The following PATJ variants were observed in gnomAD, a reference collection of about 807,000 sequenced individuals.
PATJ encodes the protein inaD-like protein.
In PATJ, 190 loss-of-function variants were observed where a neutral mutation model predicts 224.9. The ratio of observed to expected loss-of-function variants is 0.84; its 90% CI spans 0.75 to 0.95. PATJ has a LOEUF of 0.95. Among genes scored for constraint, PATJ ranks in the 40% least tolerant of loss-of-function variants. The pLI, the probability that PATJ is intolerant of heterozygous loss-of-function variation, is 0.00. For synonymous variants in PATJ, 769 were observed against 820.3 expected, an observed-to-expected ratio of 0.94 and a Z score of 1.07; for missense variants, 2,121 against 2,270.3, an observed-to-expected ratio of 0.93 and a Z score of 1.34.
At chr1:62,006,262 A>G (rs112289255) in intron 28 of PATJ, among the ~76,000 whole-genome samples, 4,492 of 152,144 alleles carry the variant, frequency 0.03, 167 homozygotes, top group African/African-American at 0.079. Flanking sequence ...TTACAGGCGC[A>G]TGCCGCCACA....
intron 30 of PATJ, among the ~76,000 whole-genome samples, chr1:62,046,247 AGGG>A (rs1652544972): frequency 8.5e-5 from 3 of 35,346 alleles, no homozygotes; most frequent in African/African-American, 3.7e-4. Context: ...GGAGGGAGGG[AGGG>A]AGGGAGGGAA....
At position 61,845,112 on chromosome 1, in the gene PATJ, G is replaced by T. The variant is rs192524808; in HGVS notation, c.2113-10918G>T. ...AGGTATCTGCTGGGGGTCTTCGAAC[G>T]TATTCCTTATAGATAAGGGGGGACT... is the stretch of plus-strand genomic sequence containing the variant. On this transcript the variant is annotated intron_variant, in intron 17 of 43. Coordinates refer to ENST00000642238, the MANE Select transcript of PATJ (RefSeq NM_001350145.3). Among the ~76,000 whole-genome samples the T allele has an allele frequency of 2.9e-3, 441 of 152,238 alleles. 2 individuals are homozygous for T. Among genetic ancestry groups the T allele is most frequent in the African/African-American group, 0.01 (425 of 41,538 alleles).
chr1:61,924,675 G>T (rs1294282227), intron 26 of PATJ, among the ~76,000 whole-genome samples: 1 of 152,184 alleles, frequency 6.6e-6, no homozygotes, highest in Non-Finnish European at 1.5e-5. Flanking sequence ...ATCAGAAAGA[G>T]ATTCTTTATT....
intron 27 of PATJ, among the ~76,000 whole-genome samples, chr1:61,931,351 CAA>C (rs952784156): frequency 6.6e-6 from 1 of 151,260 alleles, no homozygotes; most frequent in African/African-American, 2.4e-5. Context: ...ATGAATAAAA[CAA>C]AGTAATAAAA....
intron 33 of PATJ, among the ~76,000 whole-genome samples, chr1:62,098,976 T>C (rs1038001549): frequency 1.3e-5 from 2 of 152,198 alleles, no homozygotes; most frequent in Non-Finnish European, 2.9e-5. Context: ...CTTTAAAAGT[T>C]TTAACCTAAC....
intron 29 of PATJ, among the ~76,000 whole-genome samples, chr1:62,035,521 G>A (rs1395591775): frequency 6.6e-6 from 1 of 152,224 alleles, no homozygotes; most frequent in East Asian, 1.9e-4. Context: ...CTGTTAGTTA[G>A]CGGCAGGGCT....
At chr1:61,812,407 T>TGAGAGAGAGAGAGAGAGA (rs769833245) in intron 14 of PATJ, among the ~76,000 whole-genome samples, 1 of 79,666 alleles carries the variant, frequency 1.3e-5, no homozygotes, top group Non-Finnish European at 2.6e-5. Context: ...TGTGAGTGAC[T>TGAGAGAGAGAGAGAGAGA]GAGAGAGAGA....
chr1:61,896,322 C>G (rs1670361601), intron 22 of PATJ, among the ~76,000 whole-genome samples: 1 of 151,904 alleles, frequency 6.6e-6, no homozygotes, highest in South Asian at 2.1e-4. Flanking sequence ...TAATGACTAC[C>G]CCACTAGGTT....
chr1:62,137,143 A>G (rs568966913), intron 41 of PATJ, among the ~76,000 whole-genome samples: 14 of 152,102 alleles, frequency 9.2e-5, no homozygotes, highest in African/African-American at 3.1e-4. Flanking sequence ...TAAATACACA[A>G]TATTTCACTG....
In PATJ at chr1:62,144,771, A is replaced by ATATATATATATATATAT. The variant is rs1439255158; in HGVS notation, c.5272-3513_5272-3512insTATATATATATATATAT. Among the ~76,000 whole-genome samples the ATATATATATATATATAT allele has an allele frequency of 9.7e-3, 706 of 73,024 alleles. 43 individuals carry two copies. The highest frequency in any genetic ancestry group is 0.051 in the East Asian group (122 of 2,388). 47.9% of individuals were successfully genotyped at this position (73,024 alleles called of 152,430 possible). The stretch of plus-strand genomic sequence containing the variant: ...ATGCTCTAGAATGTTATTTGCAAAA[A>ATATATATATATATATAT]AAAAAAATATATATATATATATATA... On this transcript the variant is annotated intron_variant, in intron 41 of 43. Transcript: ENST00000642238.
At chr1:62,129,875 G>T (rs996795443) in intron 41 of PATJ, among the ~76,000 whole-genome samples, 5 of 152,084 alleles carry the variant, frequency 3.3e-5, no homozygotes, top group African/African-American at 1.2e-4. Context: ...GGAGAAGGAG[G>T]TTGCAGTGAG....
intron 25 of PATJ, 31 bp from the exon 26 acceptor site, chr1:61,914,556 C>G: frequency 2.8e-6 from 3 of 1,075,564 alleles, no homozygotes; most frequent in Non-Finnish European, 4.1e-6. Flanking sequence ...TAAACGTTTT[C>G]TTCCCCCCAC....
rs1396053543 is a variant in PATJ, at chr1:62,004,620, A to G, written c.3868-13236A>G. Among the ~76,000 whole-genome samples, 9 of 152,148 alleles carry G rather than the reference A, an allele frequency of 5.9e-5. 1 individual carries two copies. On this transcript the variant is annotated intron_variant, in intron 28 of 43. Transcript: ENST00000642238. ...AATTTCTTAAACTCACTGTGCCTCA[A>G]TTTCTCCATCTATATAATGACGTAA...
In PATJ at chr1:62,119,700, G is replaced by A. The variant is rs182825208; in HGVS notation, c.4891-1481G>A. 7.2e-5 allele frequency among the ~76,000 whole-genome samples: 11 copies of A among 152,326 alleles called. No homozygotes were observed. The East Asian group carries it at 2.1e-3, about 29-fold the overall frequency. On this transcript the variant is annotated intron_variant, in intron 37 of 43. Coordinates refer to ENST00000642238, the MANE Select transcript of PATJ (RefSeq NM_001350145.3). The stretch of plus-strand genomic sequence containing the variant: ...CTCACATCTGTAATCCCAGCACTGG[G>A]AGTTCGAGGCGGGCAGATCACTTGA...
chr1:61,785,292 G>A (rs988180345), intron 7 of PATJ, among the ~76,000 whole-genome samples: 1 of 152,088 alleles, frequency 6.6e-6, no homozygotes, highest in African/African-American at 2.4e-5. Flanking sequence ...AGAGTTATAG[G>A]CAGTTTCTTG....
intron 27 of PATJ, among the ~76,000 whole-genome samples, chr1:61,973,096 C>G (rs964568275): frequency 1.3e-5 from 2 of 152,128 alleles, no homozygotes; most frequent in South Asian, 2.1e-4. Flanking sequence ...TAGCCTGTTT[C>G]TTGACCAATT....
intron 31 of PATJ, among the ~76,000 whole-genome samples, chr1:62,060,902 G>A (rs137857864): frequency 1.3e-5 from 2 of 152,172 alleles, no homozygotes; most frequent in Non-Finnish European, 2.9e-5. Context: ...ACGTTGGCCA[G>A]GCTGGTCTCC....
intron 34 of PATJ, among the ~76,000 whole-genome samples, chr1:62,111,737 T>G (rs1363222973): frequency 2.0e-5 from 3 of 150,748 alleles, no homozygotes. Context: ...CTCTGCTCAC[T>G]GCAACCTCCG....
chr1:61,810,409 A>ATTTTG (rs1654470283), intron 14 of PATJ, among the ~76,000 whole-genome samples: 1 of 152,084 alleles, frequency 6.6e-6, no homozygotes, highest in South Asian at 2.1e-4. Context: ...TAAGAAATAC[A>ATTTTG]AATACAAAGC....
Sources: gnomAD v4.1 joint callset for allele counts (sites outside exome capture counted in the v4.1 genomes callset) on GRCh38, gnomAD v4.1.1 for gene constraint, MANE v1.5 for transcripts, NCBI Gene and HGNC (gene_info 2026-07-23, HGNC 2026-07-21) for gene names.